The following CRTAC1 variants were observed in gnomAD, a reference collection of about 807,000 sequenced individuals.
CRTAC1 encodes cartilage acidic protein 1.
Under a neutral mutation model 67.8 loss-of-function variants are expected in CRTAC1, and 37 were observed. That is an observed-to-expected ratio of 0.55 (90% CI 0.42 to 0.72). CRTAC1 has a LOEUF of 0.72. Ranked by LOEUF, CRTAC1 falls within the 30% of genes least tolerant of loss-of-function variation. CRTAC1 has a pLI of 0.00. For missense variants in CRTAC1, 780 were observed against 931.6 expected (o/e 0.84, Z 2.12); for synonymous variants, 348 against 371.0 (o/e 0.94, Z 0.71).
chr10:97,906,839 C>T (rs1360744980), intron 6 of CRTAC1, among the ~76,000 whole-genome samples: 1 of 152,220 alleles, frequency 6.6e-6, no homozygotes, highest in Admixed American at 6.5e-5. Flanking sequence ...GGTAGGTACT[C>T]GTAAGTCCAA....
intron 1 of CRTAC1, among the ~76,000 whole-genome samples, chr10:98,018,736 G>A (rs989492267): frequency 6.6e-6 from 1 of 152,124 alleles, no homozygotes; most frequent in African/African-American, 2.4e-5. Flanking sequence ...TATTTCCGAC[G>A]TTGGCGACAA....
intron 2 of CRTAC1, among the ~76,000 whole-genome samples, chr10:97,976,930 T>C (rs1283079228): frequency 2.0e-5 from 3 of 152,246 alleles, no homozygotes; most frequent in African/African-American, 2.4e-5. Flanking sequence ...TAGACAAATA[T>C]AGGCTAGCTC....
chr10:98,024,464 TGGA>T (rs1453814347), intron 1 of CRTAC1, among the ~76,000 whole-genome samples: 2 of 152,112 alleles, frequency 1.3e-5, no homozygotes, highest in Non-Finnish European at 2.9e-5. Context: ...CAGGAAAGGA[TGGA>T]GGAGAAGTCG....
chr10:97,971,251 AG>A, intron 2 of CRTAC1, among the ~76,000 whole-genome samples: 1 of 152,264 alleles, frequency 6.6e-6, no homozygotes, highest in East Asian at 1.9e-4. Flanking sequence ...TTCAGATAAA[AG>A]CTTATGCACC....
intron 2 of CRTAC1, among the ~76,000 whole-genome samples, chr10:97,951,123 C>T (rs1026907917): frequency 1.3e-5 from 2 of 152,206 alleles, no homozygotes; most frequent in Non-Finnish European, 2.9e-5. Context: ...GGACCCTTTG[C>T]TCACCTGCAT....
chr10:98,002,692 A>C (rs1842712463), intron 2 of CRTAC1, among the ~76,000 whole-genome samples: 1 of 148,722 alleles, frequency 6.7e-6, no homozygotes, highest in East Asian at 2.0e-4. Flanking sequence ...ACAGTGAGTT[A>C]CAGAGTGAAT....
intron 2 of CRTAC1, among the ~76,000 whole-genome samples, chr10:97,955,904 G>A (rs1302142807): frequency 6.6e-6 from 1 of 152,198 alleles, no homozygotes; most frequent in Non-Finnish European, 1.5e-5. Flanking sequence ...ACACCACAGG[G>A]AGCTGTGGGG....
intron 14 of CRTAC1, chr10:97,879,680 G>A (rs2050186402): frequency 6.5e-7 from 1 of 1,544,726 alleles, no homozygotes; most frequent in Non-Finnish European, 8.7e-7. Context: ...TTATTGATGG[G>A]ATTTAAAGTG....
rs554674259 is a variant in CRTAC1 at position 97,924,641 on chromosome 10, T to C, written c.422-1241A>G. Reference sequence around the variant, plus strand: ...TCCTACTTGTGAGTGGGGATGACAGTAGTTACAGTCAAGTTTACTGTGAGG... The same window carrying C: ...TCCTACTTGTGAGTGGGGATGACAGCAGTTACAGTCAAGTTTACTGTGAGG... On this transcript the variant is annotated intron_variant, in intron 3 of 14. Transcript: ENST00000370597. Among the ~76,000 whole-genome samples, 7 of 152,286 alleles carry C rather than the reference T, an allele frequency of 4.6e-5. No individual in the cohort carries two copies. The East Asian group carries it at 1.2e-3, about 25-fold the overall frequency.
chr10:97,920,888 T>C (rs184202246), intron 4 of CRTAC1, among the ~76,000 whole-genome samples: 277 of 152,294 alleles, frequency 1.8e-3, no homozygotes, highest in African/African-American at 6.3e-3. Flanking sequence ...AGGACGTTCT[T>C]GTAAGAGATC....
At chr10:97,932,586 G>A (rs2051018932) in intron 3 of CRTAC1, among the ~76,000 whole-genome samples, 1 of 152,142 alleles carries the variant, frequency 6.6e-6, no homozygotes, top group Non-Finnish European at 1.5e-5. Flanking sequence ...ACTGGAGGAG[G>A]GGCCTGAATG....
chr10:97,920,307 T>C (rs2050818723), intron 4 of CRTAC1, among the ~76,000 whole-genome samples: 1 of 152,124 alleles, frequency 6.6e-6, no homozygotes, highest in Non-Finnish European at 1.5e-5. Flanking sequence ...TTTTCGGGGG[T>C]ATAAACTGAC....
intron 14 of CRTAC1, among the ~76,000 whole-genome samples, chr10:97,875,459 G>A (rs1564872357): frequency 6.6e-6 from 1 of 152,218 alleles, no homozygotes; most frequent in Non-Finnish European, 1.5e-5. Flanking sequence ...AAGCCACCGT[G>A]GGAGAGGCTG....
intron 2 of CRTAC1, among the ~76,000 whole-genome samples, chr10:98,009,792 G>A (rs889407105): frequency 7.2e-5 from 11 of 152,154 alleles, no homozygotes; most frequent in Non-Finnish European, 1.2e-4. Flanking sequence ...AAGTGATAAC[G>A]AAACTTTGTA....
chr10:97,947,627 A>G (rs1008543630), intron 2 of CRTAC1, among the ~76,000 whole-genome samples: 3 of 152,256 alleles, frequency 2.0e-5, no homozygotes, highest in African/African-American at 7.2e-5. Context: ...AGGAGCTGAG[A>G]AATAAAAGAA....
At chr10:97,921,104 G>A (rs956542197) in intron 4 of CRTAC1, among the ~76,000 whole-genome samples, 6 of 152,040 alleles carry the variant, frequency 3.9e-5, no homozygotes, top group Non-Finnish European at 8.8e-5. Flanking sequence ...TCACCTGCAG[G>A]GCTAACTGAA....
Position 98,029,527 on chromosome 10 carries a change from G to GGCGGCGGCGGCGGCGGCA in CRTAC1, c.24+921_24+922insTGCCGCCGCCGCCGCCGC. On this transcript the variant is annotated intron_variant, in intron 1 of 14. Transcript: ENST00000370597. The surrounding 1 kb of genome is among the most constrained non-coding windows in gnomAD (Gnocchi z 4.7). ...CGGCGGCGGCGGCGGCGGCGGCGGC[G>GGCGGCGGCGGCGGCGGCA]GCAGCAGCAGCAATATTCATTAGTC... 7.6e-6 allele frequency among the ~76,000 whole-genome samples: 1 copy of GGCGGCGGCGGCGGCGGCA among 131,110 alleles called. No homozygotes were observed. 86.0% of individuals were successfully genotyped at this position (131,110 alleles called of 152,430 possible). A position where few individuals can be genotyped will look rare whatever the true frequency, so the allele number is the denominator to read the frequency against.
At position 98,005,100 on chromosome 10, in the gene CRTAC1, A is replaced by ATATTTTTTT; in HGVS notation, c.224+6037_224+6038insAAAAAAATA. 2.1e-3 allele frequency among the ~76,000 whole-genome samples: 105 copies of ATATTTTTTT among 48,890 alleles called. 9 individuals carry two copies. The highest frequency in any genetic ancestry group is 0.015 in the Middle Eastern group (1 of 66). 32.1% of individuals were successfully genotyped at this position (48,890 alleles called of 152,430 possible). Reference sequence around the variant, plus strand: ...GTAATACATATATATATATATATATATTTTTTTTTTTTTTTTTTTTTGAGA... The same window carrying ATATTTTTTT: ...GTAATACATATATATATATATATATATATTTTTTTTTTTTTTTTTTTTTTTTTTTTGAGA... On this transcript the variant is annotated intron_variant, in intron 2 of 14. Coordinates refer to ENST00000370597, the MANE Select transcript of CRTAC1 (RefSeq NM_018058.7).
chr10:97,865,583 AC>A lies in CRTAC1; in HGVS notation c.1950del (p.Ser651ArgfsTer36). ...GGCTCGCAGCTCTCCTTAACCACCG[AC>A]CCCAGATTGAGATCTCCATCTACGA... ...PVLVDGDLNLGSVVKESCEPS... is the reference protein window; with the variant it reads ...PVLVDGDLNLXSVVKESCEPS... On this transcript the variant is annotated frameshift_variant, in exon 15 of 15. Coordinates refer to ENST00000370597, the MANE Select transcript of CRTAC1 (RefSeq NM_018058.7). LOFTEE classifies it low-confidence loss of function (END_TRUNC). 1 of 1,612,498 alleles carries A rather than the reference AC, an allele frequency of 6.2e-7. No individual in the cohort carries two copies. The highest frequency in any genetic ancestry group is 1.1e-5 in the South Asian group (1 of 90,958).
Sources: allele counts gnomAD v4.1 joint callset (sites outside exome capture counted in the v4.1 genomes callset), GRCh38; gene constraint gnomAD v4.1.1; non-coding constraint Gnocchi (gnomAD v3.1); transcripts MANE v1.5; gene names NCBI Gene and HGNC (gene_info 2026-07-23, HGNC 2026-07-21).